Variants in RBFOX1 observed in about 807,000 individuals in gnomAD.
RBFOX1 encodes the protein RNA binding fox-1 homolog 1, also known as RNA binding protein fox-1 homolog 1.
Under a neutral mutation model 57.7 loss-of-function variants are expected in RBFOX1, and 8 were observed. The observed-to-expected ratio is 0.14, with a 90% CI of 0.08 to 0.25. The LOEUF is 0.25. RBFOX1 is among the 10% of genes least tolerant of loss of function. The pLI is 1.00. For synonymous variants in RBFOX1, 326 were observed against 222.4 expected, an observed-to-expected ratio of 1.47 and a Z score of -4.15; for missense variants, 611 against 548.5, an observed-to-expected ratio of 1.11 and a Z score of -1.14.
intron 2 of RBFOX1, among the ~76,000 whole-genome samples, chr16:6,541,487 A>C (rs1484417068): frequency 6.6e-6 from 1 of 152,232 alleles, no homozygotes; most frequent in African/African-American, 2.4e-5. Context: ...CTGCCGAGAA[A>C]GATGACAACA....
chr16:6,662,131 G>GT (rs2098705382), intron 3 of RBFOX1, among the ~76,000 whole-genome samples: 1 of 147,438 alleles, frequency 6.8e-6, no homozygotes, highest in African/African-American at 2.5e-5. Context: ...AGGGCTGGGG[G>GT]CGGGGTGAAA....
At position 6,760,299 on chromosome 16, in the gene RBFOX1, G is replaced by A. The variant is rs530859392; in HGVS notation, c.-16+105649G>A. Among the ~76,000 whole-genome samples, 19 of 152,154 alleles carry A rather than the reference G, an allele frequency of 1.2e-4. No homozygotes were observed. The South Asian group carries it at 2.7e-3, about 22-fold the overall frequency. On this transcript the variant is annotated intron_variant, in intron 3 of 15. Coordinates refer to ENST00000550418, the MANE Select transcript of RBFOX1 (RefSeq NM_018723.4). ...CTTTAAAGGATTGAGGAGAGCATTGGCACCTATGTTTCTGTTATCTATGAA... is the reference window on the plus strand; with the variant it reads ...CTTTAAAGGATTGAGGAGAGCATTGACACCTATGTTTCTGTTATCTATGAA...
At chr16:6,631,651 A>C (rs1167401315) in intron 2 of RBFOX1, among the ~76,000 whole-genome samples, 2 of 152,180 alleles carry the variant, frequency 1.3e-5, no homozygotes, top group Admixed American at 6.5e-5. Context: ...CAAGGTTATC[A>C]ATGCAAATAA....
intron 4 of RBFOX1, among the ~76,000 whole-genome samples, chr16:5,929,126 G>T: frequency 6.6e-6 from 1 of 151,840 alleles, no homozygotes; most frequent in Admixed American, 6.6e-5. Flanking sequence ...TTTTGACAGA[G>T]ACATTGCTTT....
chr16:7,444,763 C>T (rs2098795662), intron 4 of RBFOX1, among the ~76,000 whole-genome samples: 1 of 152,164 alleles, frequency 6.6e-6, no homozygotes, highest in Admixed American at 6.5e-5. Flanking sequence ...AACCCCTGGG[C>T]TCAAGTGATC....
chr16:5,756,933 G>C (rs1313379880), intron 3 of RBFOX1, among the ~76,000 whole-genome samples: 1 of 152,168 alleles, frequency 6.6e-6, no homozygotes, highest in Non-Finnish European at 1.5e-5. Context: ...AAAGGATAAA[G>C]CCCTTAACTG....
chr16:5,265,575 A>G (rs2062837717), intron 1 of RBFOX1, among the ~76,000 whole-genome samples: 1 of 152,244 alleles, frequency 6.6e-6, no homozygotes, highest in South Asian at 2.1e-4. Flanking sequence ...AATTGACAAT[A>G]AAATGCTGAT....
intron 1 of RBFOX1, among the ~76,000 whole-genome samples, chr16:5,291,447 T>A (rs186308427): frequency 6.0e-4 from 92 of 152,218 alleles, no homozygotes; most frequent in African/African-American, 2.1e-3. Flanking sequence ...GTATTTTTAG[T>A]GGAGACGGGG....
intron 2 of RBFOX1, among the ~76,000 whole-genome samples, chr16:6,562,984 C>T (rs1174819696): frequency 6.8e-6 from 1 of 146,908 alleles, no homozygotes. Flanking sequence ...GTGCAATGTA[C>T]CTTCCATGAA....
intron 2 of RBFOX1, among the ~76,000 whole-genome samples, chr16:5,504,399 G>A (rs2043306375): frequency 1.3e-5 from 2 of 152,198 alleles, no homozygotes; most frequent in South Asian, 4.1e-4. Flanking sequence ...GAAACCTGGG[G>A]CTTTTGTCTT....
intron 2 of RBFOX1, among the ~76,000 whole-genome samples, chr16:6,368,824 A>G (rs2090035866): frequency 6.6e-6 from 1 of 152,198 alleles, no homozygotes; most frequent in Non-Finnish European, 1.5e-5. Context: ...TGTGAAGGTT[A>G]AAAGAAAAAC....
chr16:6,684,054 A>C (rs182837191), intron 3 of RBFOX1, among the ~76,000 whole-genome samples: 1 of 152,258 alleles, frequency 6.6e-6, no homozygotes, highest in Admixed American at 6.5e-5. Context: ...GGCATCCTCA[A>C]ATTTGTTTGC....
At chr16:5,600,773 G>A (rs1045152185), downstream of RBFOX1, among the ~76,000 whole-genome samples, 2 of 152,092 alleles carry the variant, frequency 1.3e-5, no homozygotes, top group African/African-American at 4.8e-5. Context: ...AGAAGAAGAG[G>A]AAGAAGAGGA....
intron 4 of RBFOX1, among the ~76,000 whole-genome samples, chr16:7,379,202 A>G (rs1444263112): frequency 6.6e-6 from 1 of 152,194 alleles, no homozygotes; most frequent in African/African-American, 2.4e-5. Context: ...TTGGAAGAGA[A>G]AAAAAAGCTG....
intron 4 of RBFOX1, among the ~76,000 whole-genome samples, chr16:7,135,465 A>C (rs980553166): frequency 1.3e-5 from 2 of 152,220 alleles, no homozygotes; most frequent in Admixed American, 1.3e-4. Context: ...AGCTACAGCA[A>C]ATTAAAGGGA....
At chr16:7,039,498 ATTG>A (rs1237976412) in intron 3 of RBFOX1, among the ~76,000 whole-genome samples, 2 of 152,212 alleles carry the variant, frequency 1.3e-5, no homozygotes, top group Non-Finnish European at 2.9e-5. Flanking sequence ...GACTTGAGTC[ATTG>A]TTGTGACTTT....
intron 4 of RBFOX1, among the ~76,000 whole-genome samples, chr16:7,218,566 G>T (rs889515634): frequency 6.6e-6 from 1 of 151,052 alleles, no homozygotes; most frequent in South Asian, 2.1e-4. Context: ...GAGGTAAAAA[G>T]TTTTTTTGAG....
intron 3 of RBFOX1, among the ~76,000 whole-genome samples, chr16:6,848,771 C>G (rs1417569259): frequency 6.6e-6 from 1 of 152,074 alleles, no homozygotes; most frequent in Admixed American, 6.5e-5. Flanking sequence ...GTAGAAGAAA[C>G]TCAGCAGGCA....
chr16:5,971,952 C>T (rs567278776), intron 4 of RBFOX1, among the ~76,000 whole-genome samples: 1 of 152,324 alleles, frequency 6.6e-6, no homozygotes, highest in Non-Finnish European at 1.5e-5. Context: ...AAAAACTGAG[C>T]TCCCCTGCAT....
Sources: allele counts gnomAD v4.1 joint callset (sites outside exome capture counted in the v4.1 genomes callset), GRCh38; gene constraint gnomAD v4.1.1; transcripts MANE v1.5; gene names NCBI Gene and HGNC (gene_info 2026-07-23, HGNC 2026-07-21).